PDZRN4: variants seen among roughly 807,000 people sequenced by gnomAD.
PDZRN4 encodes the protein PDZ domain containing ring finger 4.
PDZRN4 carries 70 observed loss-of-function variants against 99.0 expected under a neutral mutation model. That is an observed-to-expected ratio of 0.71 (90% CI 0.58 to 0.86). PDZRN4 has a LOEUF of 0.86. PDZRN4 is among the 40% of genes least tolerant of loss of function. PDZRN4 has a pLI of 0.00. For missense variants in PDZRN4, 1,474 were observed against 1,331.2 expected (o/e 1.11, Z -1.67); for synonymous variants, 551 against 501.6 (o/e 1.10, Z -1.32).
At chr12:41,315,857 C>G (rs1282609554) in intron 3 of PDZRN4, among the ~76,000 whole-genome samples, 1 of 152,040 alleles carries the variant, frequency 6.6e-6, no homozygotes, top group African/African-American at 2.4e-5. Flanking sequence ...TGGTCAGAAC[C>G]TAAATTTGCA....
At chr12:41,533,955 G>T (rs1938706953) in intron 5 of PDZRN4, among the ~76,000 whole-genome samples, 1 of 151,790 alleles carries the variant, frequency 6.6e-6, no homozygotes, top group South Asian at 2.1e-4. Context: ...TGTTGAATTA[G>T]AAGTAATATA....
At chr12:41,455,389 T>A (rs1382452328) in intron 3 of PDZRN4, among the ~76,000 whole-genome samples, 1 of 152,150 alleles carries the variant, frequency 6.6e-6, no homozygotes, top group African/African-American at 2.4e-5. Context: ...TTGCAAATCT[T>A]GACAGCCTGA....
chr12:41,421,574 T>G (rs1238451245), intron 3 of PDZRN4, among the ~76,000 whole-genome samples: 1 of 152,174 alleles, frequency 6.6e-6, no homozygotes, highest in Non-Finnish European at 1.5e-5. Context: ...TTAGTAGCTC[T>G]TCATTACCCA....
At chr12:41,354,703 A>G (rs746650996) in intron 3 of PDZRN4, among the ~76,000 whole-genome samples, 18 of 152,086 alleles carry the variant, frequency 1.2e-4, no homozygotes, top group Admixed American at 3.3e-4. Flanking sequence ...TACCAGGCTT[A>G]GATAAAATTA....
intron 3 of PDZRN4, among the ~76,000 whole-genome samples, chr12:41,257,108 A>G (rs568776347): frequency 6.6e-6 from 1 of 152,288 alleles, no homozygotes; most frequent in East Asian, 1.9e-4. Context: ...CCTATACTCC[A>G]AATTGCAGCC....
At chr12:41,225,181 C>T (rs942455830) in intron 3 of PDZRN4, among the ~76,000 whole-genome samples, 4 of 152,048 alleles carry the variant, frequency 2.6e-5, no homozygotes, top group South Asian at 2.1e-4. Flanking sequence ...ATTGGACTTA[C>T]GTTATCCTGT....
At chr12:41,376,518 A>T (rs553986179) in intron 3 of PDZRN4, among the ~76,000 whole-genome samples, 163 of 152,220 alleles carry the variant, frequency 1.1e-3, no homozygotes, top group African/African-American at 3.9e-3. Flanking sequence ...CTGGCCATCC[A>T]TATGTCTTCT....
At chr12:41,507,028 C>T (rs546880038) in intron 4 of PDZRN4, among the ~76,000 whole-genome samples, 7 of 152,194 alleles carry the variant, frequency 4.6e-5, no homozygotes, top group African/African-American at 1.4e-4. Context: ...GAACACTGGT[C>T]AGGGAAATCA....
At position 41,438,056 on chromosome 12, in the gene PDZRN4, G is replaced by A. The variant is rs766473059; in HGVS notation, c.844-68400G>A. On this transcript the variant is annotated intron_variant, in intron 3 of 9. Transcript: ENST00000402685. ...TACCAGCAACTAAGAGCCAGGCTTTGTGTTTGTCTGAAAGACGGTAAATGA... is the reference window on the plus strand; with the variant it reads ...TACCAGCAACTAAGAGCCAGGCTTTATGTTTGTCTGAAAGACGGTAAATGA... 70 of 1,603,320 alleles carry A rather than the reference G, an allele frequency of 4.4e-5. 1 individual carries two copies. Among genetic ancestry groups the A allele is most frequent in the South Asian group, 3.0e-4 (27 of 90,540 alleles).
chr12:41,565,251 C>G (rs1306210439), intron 8 of PDZRN4, among the ~76,000 whole-genome samples: 1 of 152,014 alleles, frequency 6.6e-6, no homozygotes, highest in Non-Finnish European at 1.5e-5. Flanking sequence ...CCATAGGATG[C>G]TGTCCTGCCT....
chr12:41,470,071 C>A (rs554528212), intron 3 of PDZRN4, among the ~76,000 whole-genome samples: 20 of 152,224 alleles, frequency 1.3e-4, no homozygotes, highest in African/African-American at 4.6e-4. Flanking sequence ...GAGTGTATGG[C>A]ATTCATTTAT....
intron 3 of PDZRN4, among the ~76,000 whole-genome samples, chr12:41,359,832 G>A (rs758216749): frequency 4.6e-5 from 7 of 152,036 alleles, no homozygotes; most frequent in African/African-American, 1.4e-4. Context: ...ACAAAGCAAG[G>A]TACCTTATCT....
At chr12:41,284,150 C>T (rs1249784626) in intron 3 of PDZRN4, among the ~76,000 whole-genome samples, 1 of 152,238 alleles carries the variant, frequency 6.6e-6, no homozygotes, top group East Asian at 1.9e-4. Context: ...TGATAAGCAA[C>T]TTCAGCAATG....
intron 3 of PDZRN4, among the ~76,000 whole-genome samples, chr12:41,371,466 T>G (rs1952041018): frequency 2.6e-5 from 4 of 151,990 alleles, no homozygotes; most frequent in South Asian, 2.1e-4. Flanking sequence ...CCCTACAAAT[T>G]TCTGGTTCAT....
intron 3 of PDZRN4, among the ~76,000 whole-genome samples, chr12:41,225,113 T>C (rs1950984301): frequency 1.3e-5 from 2 of 152,172 alleles, no homozygotes; most frequent in Non-Finnish European, 2.9e-5. Context: ...GAGAAAAATA[T>C]AATATAGCTT....
At chr12:41,479,162 A>G (rs1937635529) in intron 3 of PDZRN4, among the ~76,000 whole-genome samples, 1 of 152,232 alleles carries the variant, frequency 6.6e-6, no homozygotes, top group African/African-American at 2.4e-5. Context: ...GAGATACAGT[A>G]GGGGACAGAT....
chr12:41,322,487 C>CTTTTTTTTTTTT (rs71081724), intron 3 of PDZRN4, among the ~76,000 whole-genome samples: 8 of 91,210 alleles, frequency 8.8e-5, no homozygotes, highest in Non-Finnish European at 1.4e-4. Flanking sequence ...ATTTTCTTTC[C>CTTTTTTTTTTTT]TTTTTTTTTT....
At chr12:41,410,024 T>C (rs1952383300) in intron 3 of PDZRN4, 1 of 152,208 alleles carries the variant, frequency 6.6e-6, no homozygotes, top group Non-Finnish European at 1.5e-5. Flanking sequence ...TAACCCTGTT[T>C]TCAAAGAAGA....
intron 5 of PDZRN4, among the ~76,000 whole-genome samples, chr12:41,515,230 A>G (rs189582084): frequency 2.0e-5 from 3 of 152,170 alleles, no homozygotes; most frequent in Admixed American, 1.3e-4. Context: ...TGATAAAGAG[A>G]CCATATGTTA....
Sources: gnomAD v4.1 joint callset for allele counts (sites outside exome capture counted in the v4.1 genomes callset) on GRCh38, gnomAD v4.1.1 for gene constraint, MANE v1.5 for transcripts, NCBI Gene and HGNC (gene_info 2026-07-23, HGNC 2026-07-21) for gene names.